WWOX: variants seen among roughly 807,000 people sequenced by gnomAD.
The protein encoded by WWOX is WW domain containing oxidoreductase, also known as WW domain-containing oxidoreductase.
A neutral mutation model predicts 46.2 loss-of-function variants in WWOX; 69 were observed. The ratio of observed to expected loss-of-function variants is 1.49; its 90% confidence interval spans 1.23 to 1.82. The LOEUF is 1.82. WWOX is among the 40% of genes most tolerant of loss of function. The pLI, the probability that WWOX is intolerant of heterozygous loss-of-function variation, is 0.00. For synonymous variants in WWOX, 359 were observed against 202.6 expected (o/e 1.77, Z -6.56); for missense variants, 919 against 542.6 (o/e 1.69, Z -6.89).
intron 8 of WWOX, among the ~76,000 whole-genome samples, chr16:78,556,415 C>A (rs1345051088): frequency 6.6e-6 from 1 of 152,166 alleles, no homozygotes; most frequent in East Asian, 1.9e-4. Context: ...TTCTTCTGGT[C>A]TCAGAGCACG....
intron 8 of WWOX, among the ~76,000 whole-genome samples, chr16:79,013,367 A>T (rs115834367): frequency 0.024 from 3,686 of 152,210 alleles, 156 homozygotes; most frequent in African/African-American, 0.085. Flanking sequence ...CCCCAGGAGA[A>T]CTGCCCCGAT....
chr16:78,694,847 T>C (rs1166735764), intron 8 of WWOX, among the ~76,000 whole-genome samples: 6 of 152,136 alleles, frequency 3.9e-5, no homozygotes, highest in African/African-American at 2.4e-5. Flanking sequence ...CGCTGCATTC[T>C]GCTATGTATC....
intron 8 of WWOX, chr16:78,553,241 GT>G (rs1400472615): frequency 6.6e-6 from 1 of 152,240 alleles, no homozygotes; most frequent in Admixed American, 6.5e-5. Context: ...GTTTACCTAT[GT>G]AACAAACCTG....
intron 5 of WWOX, among the ~76,000 whole-genome samples, chr16:78,338,740 G>A (rs72792397): frequency 0.02 from 2,383 of 120,866 alleles, 773 homozygotes; most frequent in Non-Finnish European, 0.038. Flanking sequence ...ACAAGTTACC[G>A]CCTTTTTATT....
At chr16:78,962,342 G>C (rs56369399) in intron 8 of WWOX, among the ~76,000 whole-genome samples, 1 of 64,672 alleles carries the variant, frequency 1.5e-5, no homozygotes, top group Non-Finnish European at 2.9e-5. Flanking sequence ...AAAAAAAAAA[G>C]AAGGAATGTG....
chr16:78,678,732 G>A (rs1273432901), intron 8 of WWOX, among the ~76,000 whole-genome samples: 1 of 152,164 alleles, frequency 6.6e-6, no homozygotes, highest in Non-Finnish European at 1.5e-5. Flanking sequence ...AGGGCTGGAA[G>A]GGAGGAACGA....
chr16:78,610,944 C>T (rs1338595567), intron 8 of WWOX, among the ~76,000 whole-genome samples: 1 of 152,078 alleles, frequency 6.6e-6, no homozygotes, highest in African/African-American at 2.4e-5. Context: ...AACGGAATTT[C>T]AGAGACATGT....
At chr16:78,929,685 C>A (rs931575129) in intron 8 of WWOX, among the ~76,000 whole-genome samples, 1 of 152,080 alleles carries the variant, frequency 6.6e-6, no homozygotes, top group Admixed American at 6.6e-5. Context: ...ATGCTGCAGC[C>A]AGCTCAGGAA....
chr16:78,645,871 C>G (rs536862583), intron 8 of WWOX, among the ~76,000 whole-genome samples: 13 of 152,232 alleles, frequency 8.5e-5, no homozygotes, highest in Non-Finnish European at 1.6e-4. Flanking sequence ...AGAATTTGTT[C>G]TGACTTTTTC....
intron 8 of WWOX, among the ~76,000 whole-genome samples, chr16:78,892,493 C>T (rs1373874202): frequency 2.6e-5 from 4 of 152,110 alleles, no homozygotes; most frequent in African/African-American, 9.7e-5. Context: ...GGACAGGTCA[C>T]CCCCGCTGTC....
At chr16:78,319,170 G>C (rs2080414498) in intron 5 of WWOX, among the ~76,000 whole-genome samples, 1 of 152,156 alleles carries the variant, frequency 6.6e-6, no homozygotes, top group Non-Finnish European at 1.5e-5. Flanking sequence ...TGAAAATGGA[G>C]GGAGGCGGGC....
At chr16:78,453,300 G>A (rs2083736107) in intron 8 of WWOX, among the ~76,000 whole-genome samples, 1 of 151,932 alleles carries the variant, frequency 6.6e-6, no homozygotes, top group African/African-American at 2.4e-5. Flanking sequence ...AGCGGTGCCT[G>A]TAATCCCAGC....
intron 8 of WWOX, among the ~76,000 whole-genome samples, chr16:78,722,313 C>T (rs951915051): frequency 3.3e-5 from 5 of 152,192 alleles, no homozygotes; most frequent in African/African-American, 9.6e-5. Context: ...AGCATCTTTA[C>T]TCAAGGCTCT....
chr16:78,664,552 C>T (rs1256854174), intron 8 of WWOX, among the ~76,000 whole-genome samples: 2 of 152,184 alleles, frequency 1.3e-5, no homozygotes, highest in Admixed American at 6.5e-5. Flanking sequence ...AAGTCTCCCA[C>T]TTAAAATGTG....
At chr16:78,876,237 A>C (rs1379637862) in intron 8 of WWOX, among the ~76,000 whole-genome samples, 2 of 151,368 alleles carry the variant, frequency 1.3e-5, no homozygotes, top group African/African-American at 4.9e-5. Flanking sequence ...TCCGCCAGCT[A>C]TCTTTAAAAG....
chr16:78,347,405 T>C (rs1305960677), intron 5 of WWOX, among the ~76,000 whole-genome samples: 1 of 118,162 alleles, frequency 8.5e-6, no homozygotes, highest in Admixed American at 8.4e-5. Flanking sequence ...TCCCAGGTTA[T>C]TCGCACCTCA....
At chr16:78,507,663 G>T (rs1300884573) in intron 8 of WWOX, among the ~76,000 whole-genome samples, 1 of 152,170 alleles carries the variant, frequency 6.6e-6, no homozygotes, top group Non-Finnish European at 1.5e-5. Flanking sequence ...TCTCCAGCCA[G>T]ATCAGCATTG....
intron 8 of WWOX, among the ~76,000 whole-genome samples, chr16:78,757,809 A>C (rs1320363041): frequency 6.6e-6 from 1 of 152,032 alleles, no homozygotes; most frequent in Non-Finnish European, 1.5e-5. Context: ...TGACAGAGGA[A>C]GAGATCATCT....
chr16:79,045,724 C>T (rs1239740934), intron 8 of WWOX, among the ~76,000 whole-genome samples: 2 of 147,524 alleles, frequency 1.4e-5, no homozygotes, highest in East Asian at 4.1e-4. Flanking sequence ...ACTAACTGTG[C>T]AACTGTGGGC....
Sources: allele counts gnomAD v4.1 joint callset (sites outside exome capture counted in the v4.1 genomes callset), GRCh38; gene constraint gnomAD v4.1.1; transcripts MANE v1.5; gene names NCBI Gene and HGNC (gene_info 2026-07-23, HGNC 2026-07-21).